Variants in COG7 observed in about 807,000 individuals in gnomAD.
COG7 encodes conserved oligomeric Golgi complex subunit 7.
A neutral mutation model predicts 91.5 loss-of-function variants in COG7; 49 were observed. That is an observed-to-expected ratio of 0.54 (90% CI 0.43 to 0.68). The LOEUF (loss-of-function observed/expected upper bound fraction) is 0.68, where lower values mean the gene tolerates loss of function less well. Among genes scored for constraint, COG7 ranks in the 30% least tolerant of loss-of-function variants. COG7 has a pLI of 0.00. For missense variants in COG7, 895 were observed against 961.3 expected (o/e 0.93, Z 0.91); for synonymous variants, 365 against 388.7 (o/e 0.94, Z 0.72).
rs1183850138 is a variant in COG7, at chr16:23,442,545, G to A, written c.536C>T (p.Ala179Val). Residue 179 changes from alanine to valine, a missense_variant, in exon 4 of 17, where the codon GCA becomes GTA. Transcript: ENST00000307149. ...DYSEKCVHLEALKNRLEALAS... is the reference protein window; with the variant it reads ...DYSEKCVHLEVLKNRLEALAS... ...TAGGGCCTCCAGCCTGTTCTTCAGT[G>A]CCTCCAAGTGCACACACTTTTCTGA... 1 of 1,614,110 alleles carries A rather than the reference G, an allele frequency of 6.2e-7. No homozygotes were observed. Among genetic ancestry groups the A allele is most frequent in the East Asian group, 2.2e-5 (1 of 44,888 alleles).
At chr16:23,449,470 G>A (rs921201551) in intron 1 of COG7, among the ~76,000 whole-genome samples, 1 of 150,354 alleles carries the variant, frequency 6.7e-6, no homozygotes, top group East Asian at 1.9e-4. Context: ...CAGTCCAGGC[G>A]CAATAGCTCA....
intron 13 of COG7, among the ~76,000 whole-genome samples, chr16:23,400,058 G>A (rs952853865): frequency 1.4e-4 from 21 of 152,278 alleles, no homozygotes; most frequent in Middle Eastern, 3.4e-3. Flanking sequence ...AGGATGGCTA[G>A]GAGTGGATCA....
At chr16:23,391,530 C>T (rs1398005884) in intron 16 of COG7, among the ~76,000 whole-genome samples, 1 of 152,212 alleles carries the variant, frequency 6.6e-6, no homozygotes, top group Non-Finnish European at 1.5e-5. Context: ...AGGAAAGCAC[C>T]TTGCTTCTAG....
At chr16:23,452,747 G>C in intron 1 of COG7, 79 bp downstream of exon 1, 1 of 1,534,242 alleles carries the variant, frequency 6.5e-7, no homozygotes, top group Non-Finnish European at 8.8e-7. Flanking sequence ...GCCCACCTGA[G>C]TGCCTCACGC....
rs551239900 is a variant in COG7 at position 23,388,659 on chromosome 16, C to G, written c.*261G>C. On this transcript the variant is annotated 3_prime_UTR_variant, in exon 17 of 17. Transcript: ENST00000307149. ...TTTTTTTTTGAGACAGAGTCTCGCT[C>G]TGCTGTTAATTTTTGTATTTTTAGT... 1 of 213,922 alleles carries G rather than the reference C, an allele frequency of 4.7e-6. No homozygotes were observed. The highest frequency in any genetic ancestry group is 8.8e-6 in the Non-Finnish European group (1 of 113,672). The allele number at this position is 213,922 out of a possible 1,614,324, so 13.3% of individuals were successfully genotyped here. A position where few individuals can be genotyped will look rare whatever the true frequency, so the allele number is the denominator to read the frequency against.
chr16:23,403,006 A>G (rs938440502), intron 13 of COG7, among the ~76,000 whole-genome samples: 12 of 152,260 alleles, frequency 7.9e-5, no homozygotes, highest in African/African-American at 2.7e-4. Context: ...ACTGGAATCC[A>G]AATGGCCCTG....
At chr16:23,400,131 C>T (rs1469918573) in intron 13 of COG7, among the ~76,000 whole-genome samples, 3 of 152,006 alleles carry the variant, frequency 2.0e-5, no homozygotes, top group Admixed American at 6.6e-5. Flanking sequence ...TCTGTGTATG[C>T]GTGAAAAGGT....
intron 1 of COG7, among the ~76,000 whole-genome samples, chr16:23,449,879 G>A (rs986640782): frequency 1.3e-4 from 20 of 152,008 alleles, no homozygotes; most frequent in African/African-American, 4.6e-4. Flanking sequence ...AATACATATA[G>A]AGCACCAAAA....
At chr16:23,406,371 G>C in intron 11 of COG7, 109 bp from the exon 12 acceptor site, 1 of 982,834 alleles carries the variant, frequency 1.0e-6, no homozygotes, top group East Asian at 2.5e-5. Flanking sequence ...TCATGAGACA[G>C]ACTGAATTAA....
intron 14 of COG7, among the ~76,000 whole-genome samples, chr16:23,395,330 C>G (rs1321785068): frequency 6.6e-6 from 1 of 152,176 alleles, no homozygotes; most frequent in Non-Finnish European, 1.5e-5. Flanking sequence ...TTTCTCTGTA[C>G]TACAATAATT....
At chr16:23,398,483 C>T (rs577591010) in intron 13 of COG7, among the ~76,000 whole-genome samples, 2 of 152,284 alleles carry the variant, frequency 1.3e-5, no homozygotes, top group East Asian at 1.9e-4. Flanking sequence ...CTCTGCGTAG[C>T]GGGGCCACTG....
intron 13 of COG7, among the ~76,000 whole-genome samples, chr16:23,401,770 T>C (rs1047467948): frequency 1.3e-5 from 2 of 151,074 alleles, no homozygotes; most frequent in African/African-American, 4.9e-5. Flanking sequence ...AAAAAAAAAA[T>C]CTCGACCAGG....
intron 3 of COG7, among the ~76,000 whole-genome samples, chr16:23,444,755 C>G (rs1346473326): frequency 6.6e-6 from 1 of 152,052 alleles, no homozygotes; most frequent in Non-Finnish European, 1.5e-5. Flanking sequence ...ATCCTCCCAC[C>G]TCAGCATCCC....
At chr16:23,411,303 A>G (rs1322296620) in intron 10 of COG7, among the ~76,000 whole-genome samples, 1 of 152,212 alleles carries the variant, frequency 6.6e-6, no homozygotes, top group Admixed American at 6.5e-5. Context: ...AAACATCTTA[A>G]GTCTAGTTAA....
Position 23,453,166 on chromosome 16 carries a change from A to C in COG7, c.-172T>G, listed in dbSNP as rs376899321. The stretch of plus-strand genomic sequence containing the variant: ...TTGCGCTTCCCCGCTCAGCGCACTC[A>C]GTTTGCGGCTGGGAATGACCCTCGC... On this transcript the variant is annotated 5_prime_UTR_variant, in exon 1 of 17. Transcript: ENST00000307149. 1.0e-4 allele frequency: 143 copies of C among 1,401,220 alleles called. No individual in the cohort carries two copies. The East Asian group carries it at 2.8e-3, about 27-fold the overall frequency. 86.8% of individuals were successfully genotyped at this position (1,401,220 alleles called of 1,614,324 possible).
intron 11 of COG7, among the ~76,000 whole-genome samples, chr16:23,407,241 A>G (rs777360944): frequency 7.2e-5 from 11 of 152,202 alleles, no homozygotes; most frequent in Non-Finnish European, 1.0e-4. Flanking sequence ...CTCTGCCATT[A>G]AGTTCAAGTT....
chr16:23,441,712 C>G (rs572764872), intron 4 of COG7: 1 of 151,958 alleles, frequency 6.6e-6, no homozygotes, highest in Non-Finnish European at 1.5e-5. Context: ...TGGCCCTTTA[C>G]AGGAAATGTT....
chr16:23,418,976 T>C (rs1348076641), intron 7 of COG7, 149 bp from the exon 8 acceptor site: 3 of 727,644 alleles, frequency 4.1e-6, no homozygotes, highest in South Asian at 1.6e-5. Flanking sequence ...TTATCATTCA[T>C]GGAAGCTTCT....
intron 1 of COG7, among the ~76,000 whole-genome samples, chr16:23,450,632 A>T (rs1409957207): frequency 6.6e-6 from 1 of 152,008 alleles, no homozygotes; most frequent in Non-Finnish European, 1.5e-5. Flanking sequence ...GTTTGAGACC[A>T]GCCTGGACAA....
Sources: gnomAD v4.1 joint callset for allele counts (sites outside exome capture counted in the v4.1 genomes callset) on GRCh38, gnomAD v4.1.1 for gene constraint, MANE v1.5 for transcripts, NCBI Gene and HGNC (gene_info 2026-07-23, HGNC 2026-07-21) for gene names.